Variants in TNFRSF19 observed in about 807,000 individuals in gnomAD.
TNFRSF19 encodes the protein tumor necrosis factor receptor superfamily member 19.
A neutral mutation model predicts 46.4 loss-of-function variants in TNFRSF19; 27 were observed. That is an observed-to-expected ratio of 0.58 (90% CI 0.43 to 0.80). TNFRSF19 has a LOEUF of 0.80. TNFRSF19 is among the 30% of genes least tolerant of loss of function. The probability of loss-of-function intolerance (pLI) is 0.00; values close to 1 mark genes in which losing one functional copy is unlikely to be tolerated. For missense variants in TNFRSF19, 511 were observed against 530.8 expected, an observed-to-expected ratio of 0.96 and a Z score of 0.37; for synonymous variants, 204 against 205.0, an observed-to-expected ratio of 1.00 and a Z score of 0.04.
chr13:23,619,221 A>ATG (rs376437290), intron 4 of TNFRSF19, among the ~76,000 whole-genome samples: 1 of 19,134 alleles, frequency 5.2e-5, no homozygotes, highest in African/African-American at 1.2e-4. Context: ...AAATGCTGAC[A>ATG]TGCTATGAGA....
chr13:23,613,222 T>C (rs1018832905), intron 3 of TNFRSF19, among the ~76,000 whole-genome samples: 18 of 152,234 alleles, frequency 1.2e-4, no homozygotes, highest in Non-Finnish European at 2.6e-4. Context: ...ATAATTTGTT[T>C]AGGAAATGTG....
chr13:23,585,311 A>T (rs1878742785), intron 1 of TNFRSF19: 1 of 152,226 alleles, frequency 6.6e-6, no homozygotes, highest in African/African-American at 2.4e-5. Flanking sequence ...ATTTATTCTG[A>T]AAAAAAGAGT....
chr13:23,586,597 GT>G lies in TNFRSF19; in HGVS notation c.-34-3552del, dbSNP rs1878861601. The stretch of plus-strand genomic sequence containing the variant: ...TCGGCGTGGTGACACGCTAGCACTG[GT>G]GTTCATGATTTTGGGCAAGAAGGCA... On this transcript the variant is annotated intron_variant, in intron 1 of 9. Transcript: ENST00000248484. Among the ~76,000 whole-genome samples the G allele has an allele frequency of 2.0e-5, 3 of 152,350 alleles. No homozygotes were observed. In the South Asian group the frequency reaches 6.2e-4, roughly 32 times the overall value.
At position 23,606,733 on chromosome 13, in the gene TNFRSF19, T is replaced by G. The variant is rs532028012; in HGVS notation, c.181-9134T>G. On this transcript the variant is annotated intron_variant, in intron 3 of 9. Coordinates refer to ENST00000248484, the MANE Select transcript of TNFRSF19 (RefSeq NM_148957.4). ...ATAAATAAAATCAGCAACTTAACTT[T>G]GCTCATGCTCTAACATACAACAGAG... 3.3e-5 allele frequency among the ~76,000 whole-genome samples: 5 copies of G among 152,368 alleles called. No individual in the cohort carries two copies. The South Asian group carries it at 1.0e-3, about 32-fold the overall frequency.
chr13:23,613,239 G>C (rs865937979), intron 3 of TNFRSF19, among the ~76,000 whole-genome samples: 1 of 152,160 alleles, frequency 6.6e-6, no homozygotes, highest in African/African-American at 2.4e-5. Flanking sequence ...TGTGCACTCC[G>C]TGCTTGATTT....
At chr13:23,667,289 A>G (rs1951656032) in intron 7 of TNFRSF19, among the ~76,000 whole-genome samples, 1 of 152,214 alleles carries the variant, frequency 6.6e-6, no homozygotes, top group South Asian at 2.1e-4. Flanking sequence ...TTTGTAGCAC[A>G]AAATACATCC....
chr13:23,669,806 CT>C (rs1454764513), intron 9 of TNFRSF19: 2 of 747,836 alleles, frequency 2.7e-6, no homozygotes, highest in Non-Finnish European at 3.3e-6. Flanking sequence ...AGGATGTGGC[CT>C]TTGCTGAATT....
At chr13:23,578,157 C>T (rs1878096070) in intron 1 of TNFRSF19, among the ~76,000 whole-genome samples, 1 of 152,028 alleles carries the variant, frequency 6.6e-6, no homozygotes, top group Non-Finnish European at 1.5e-5. Flanking sequence ...AGAAGTTCAG[C>T]GGGATGTGGG....
intron 1 of TNFRSF19, among the ~76,000 whole-genome samples, chr13:23,578,937 C>T (rs544400967): frequency 5.1e-4 from 78 of 152,350 alleles, no homozygotes; most frequent in African/African-American, 1.8e-3. Flanking sequence ...GGCTGAGGAG[C>T]CGAGGTCTGC....
chr13:23,616,892 T>A (rs995141172), intron 4 of TNFRSF19, among the ~76,000 whole-genome samples: 1 of 152,236 alleles, frequency 6.6e-6, no homozygotes, highest in East Asian at 1.9e-4. Flanking sequence ...TATAGGGTTT[T>A]AAAAAATATT....
At chr13:23,669,799 A>G (rs1241321631) in intron 9 of TNFRSF19, 6 of 800,516 alleles carry the variant, frequency 7.5e-6, no homozygotes, top group East Asian at 2.5e-4. Context: ...TCAGGTGAGG[A>G]TGTGGCCTTT....
chr13:23,574,149 GA>G (rs35368339), intron 1 of TNFRSF19, among the ~76,000 whole-genome samples: 12,552 of 151,522 alleles, frequency 0.083, 547 homozygotes, highest in East Asian at 0.17. Context: ...ACAAATACAG[GA>G]CTCTCATGGC....
chr13:23,620,858 C>G (rs1480356203), intron 4 of TNFRSF19, among the ~76,000 whole-genome samples: 1 of 152,186 alleles, frequency 6.6e-6, no homozygotes, highest in Non-Finnish European at 1.5e-5. Flanking sequence ...CTTCTGGTGA[C>G]AATGACAACT....
At chr13:23,641,002 C>T (rs1489926658) in intron 5 of TNFRSF19, among the ~76,000 whole-genome samples, 2 of 152,146 alleles carry the variant, frequency 1.3e-5, no homozygotes, top group Admixed American at 6.5e-5. Context: ...AAACCCAGGT[C>T]GTAGTGCCCA....
intron 7 of TNFRSF19, among the ~76,000 whole-genome samples, chr13:23,663,838 G>T (rs887566287): frequency 1.3e-5 from 2 of 152,076 alleles, no homozygotes; most frequent in East Asian, 3.9e-4. Flanking sequence ...TTTTATTTCT[G>T]TGGGGTCAGT....
At position 23,620,009 on chromosome 13, in the gene TNFRSF19, A is replaced by C. The variant is rs534179511; in HGVS notation, c.359+3964A>C. On this transcript the variant is annotated intron_variant, in intron 4 of 9. Transcript: ENST00000248484. ...TTAGGTAAATACTTAGCTATAGGAA[A>C]GTTATAAGTGAATAGACAGTTGAGT... Among the ~76,000 whole-genome samples the C allele has an allele frequency of 3.3e-5, 5 of 152,340 alleles. No individual in the cohort carries two copies. In the East Asian group the frequency reaches 9.6e-4, roughly 29 times the overall value.
intron 5 of TNFRSF19, among the ~76,000 whole-genome samples, chr13:23,640,510 A>G (rs567832254): frequency 2.5e-4 from 38 of 152,268 alleles, no homozygotes; most frequent in Admixed American, 9.8e-4. Flanking sequence ...GAGGCACCAG[A>G]TGAGCTGCTC....
At chr13:23,632,480 A>G (rs1882414021) in intron 5 of TNFRSF19, among the ~76,000 whole-genome samples, 1 of 152,154 alleles carries the variant, frequency 6.6e-6, no homozygotes, top group Non-Finnish European at 1.5e-5. Flanking sequence ...CAAAGCAGGG[A>G]TTCCCTCCAT....
chr13:23,580,244 A>G (rs1009089039), intron 1 of TNFRSF19, among the ~76,000 whole-genome samples: 2 of 152,204 alleles, frequency 1.3e-5, no homozygotes, highest in Non-Finnish European at 2.9e-5. Context: ...TCCGTTCACT[A>G]TTGTAAGAAA....
Sources: gnomAD v4.1 joint callset for allele counts (sites outside exome capture counted in the v4.1 genomes callset) on GRCh38, gnomAD v4.1.1 for gene constraint, MANE v1.5 for transcripts, NCBI Gene and HGNC (gene_info 2026-07-23, HGNC 2026-07-21) for gene names.